The following LARS2 variants were observed in gnomAD, a reference collection of about 807,000 sequenced individuals.
LARS2 encodes the protein leucyl-tRNA synthetase 2, mitochondrial, also known as leucine--tRNA ligase, mitochondrial.
Under a neutral mutation model 116.6 loss-of-function variants are expected in LARS2, and 81 were observed. That is an observed-to-expected ratio of 0.69 (90% CI 0.58 to 0.84). The LOEUF (loss-of-function observed/expected upper bound fraction) is 0.84. Among genes scored for constraint, LARS2 ranks in the 40% least tolerant of loss-of-function variants. The pLI is 0.00. For missense variants in LARS2, 968 were observed against 1,114.5 expected, an observed-to-expected ratio of 0.87 and a Z score of 1.87; for synonymous variants, 396 against 407.2, an observed-to-expected ratio of 0.97 and a Z score of 0.33.
intron 13 of LARS2, among the ~76,000 whole-genome samples, chr3:45,492,253 G>A (rs1482466): frequency 0.8 from 121,662 of 152,166 alleles, 52,821 homozygotes; most frequent in East Asian, 0.98. Flanking sequence ...TGCTAAGAGA[G>A]CAAGTGTGCT....
At chr3:45,500,309 A>G (rs1162808471) in intron 14 of LARS2, 133 bp from the exon 15 acceptor site, 4 of 976,490 alleles carry the variant, frequency 4.1e-6, no homozygotes, top group Middle Eastern at 2.4e-4. Flanking sequence ...GCCTTCTCTT[A>G]TATTTTAAAA....
chr3:45,523,853 T>C (rs1700492219), intron 19 of LARS2, 144 bp from the exon 20 acceptor site: 1 of 602,714 alleles, frequency 1.7e-6, no homozygotes, highest in Non-Finnish European at 3.0e-6. Context: ...GTAGGGGAAG[T>C]TCATTGTCCC....
rs1698121421 is a variant in LARS2 at position 45,400,279 on chromosome 3, T to A, written c.269T>A (p.Phe90Tyr). ...CCAAAATTTTACGTGCTTTCCATGT[T>A]CCCTTATCCTTCTGGTAAGCTGCAC... ...SKPKFYVLSM[F>Y]PYPSGKLHMG... Residue 90 changes from phenylalanine to tyrosine, a missense_variant, in exon 4 of 22, where the codon TTC (phenylalanine) becomes TAC (tyrosine). Phe to Tyr is a conservative substitution (Grantham distance 22). Coordinates refer to ENST00000645846, the MANE Select transcript of LARS2 (RefSeq NM_015340.4). The A allele has an allele frequency of 6.2e-7, 1 of 1,613,650 alleles. No individual in the cohort carries two copies. Among genetic ancestry groups the A allele is most frequent in the Non-Finnish European group, 8.5e-7 (1 of 1,179,806 alleles).
At chr3:45,462,673 C>T (rs1699352177) in intron 8 of LARS2, among the ~76,000 whole-genome samples, 1 of 152,168 alleles carries the variant, frequency 6.6e-6, no homozygotes, top group South Asian at 2.1e-4. Flanking sequence ...AGGCAGTAAG[C>T]TGTGCCCGCA....
intron 1 of LARS2, chr3:45,389,071 TGA>T (rs1697894026): frequency 6.6e-6 from 1 of 152,146 alleles, no homozygotes; most frequent in Non-Finnish European, 1.5e-5. Context: ...CTCAGAAAGA[TGA>T]GGTTCCAGAC....
At chr3:45,513,319 G>A in intron 16 of LARS2, 84 bp downstream of exon 16, 3 of 904,454 alleles carry the variant, frequency 3.3e-6, no homozygotes, top group Non-Finnish European at 5.6e-6. Context: ...GCAGGCATCT[G>A]CCTCTAGAGT....
At position 45,548,915 on chromosome 3, in the gene LARS2, A is replaced by ATC. The variant is rs769197740; in HGVS notation, c.*1386_*1387dup. 2.6e-5 allele frequency: 4 copies of ATC among 152,260 alleles called. No individual in the cohort carries two copies. Among genetic ancestry groups the ATC allele is most frequent in the Non-Finnish European group, 4.4e-5 (3 of 68,046 alleles). The allele number at this position is 152,260 out of a possible 1,614,324, so 9.4% of individuals were successfully genotyped here. On this transcript the variant is annotated 3_prime_UTR_variant, in exon 22 of 22. Transcript: ENST00000645846. ...AATTACAAACAGATTGAGGTATTCC[A>ATC]TCATCATCGGAAGCATTGGCTGTGT...
At chr3:45,472,917 T>G (rs1699549601) in intron 8 of LARS2, among the ~76,000 whole-genome samples, 1 of 152,256 alleles carries the variant, frequency 6.6e-6, no homozygotes, top group South Asian at 2.1e-4. Context: ...GGAAGTATTC[T>G]GCAAAGGTTA....
At chr3:45,486,275 A>G (rs1699812831) in intron 11 of LARS2, among the ~76,000 whole-genome samples, 1 of 152,246 alleles carries the variant, frequency 6.6e-6, no homozygotes, top group Non-Finnish European at 1.5e-5. Flanking sequence ...GGAGGAGGCG[A>G]ACTCGAGCTA....
At chr3:45,517,794 AG>A in intron 17 of LARS2, 108 bp from the exon 18 acceptor site, 1 of 807,932 alleles carries the variant, frequency 1.2e-6, no homozygotes. Flanking sequence ...ATCAGGGTGC[AG>A]TGAAGTGTCA....
chr3:45,527,971 GA>G (rs1360435791), intron 20 of LARS2, among the ~76,000 whole-genome samples: 2 of 152,196 alleles, frequency 1.3e-5, no homozygotes, highest in African/African-American at 4.8e-5. Context: ...TAAGGACTGA[GA>G]ATAAAAATCC....
At position 45,513,154 on chromosome 3, in the gene LARS2, C is replaced by T. The variant is rs1374548565; in HGVS notation, c.1780C>T (p.Leu594=). The T allele has an allele frequency of 6.2e-7, 1 of 1,612,946 alleles. No individual in the cohort carries two copies. The highest frequency in any genetic ancestry group is 2.2e-5 in the East Asian group (1 of 44,874). ...VKHREPFHKL[L]AQGLIKGQTF... Reference sequence around the variant, plus strand: ...CCTCAGGGAGCCTTTTCATAAGCTGCTGGCCCAAGGCCTTATCAAGGGGCA... The same window carrying T: ...CCTCAGGGAGCCTTTTCATAAGCTGTTGGCCCAAGGCCTTATCAAGGGGCA... The change falls in exon 16 of 22, where the codon CTG becomes TTG. Residue 594 remains leucine (L), a synonymous_variant. Coordinates refer to ENST00000645846, the MANE Select transcript of LARS2 (RefSeq NM_015340.4).
chr3:45,542,959 C>CT (rs1443820494), intron 21 of LARS2, among the ~76,000 whole-genome samples: 1 of 152,258 alleles, frequency 6.6e-6, no homozygotes, highest in African/African-American at 2.4e-5. Context: ...CACCTAGGGG[C>CT]TGAGGGAGGG....
chr3:45,425,636 G>T (rs1575245547), intron 6 of LARS2, among the ~76,000 whole-genome samples: 1 of 152,148 alleles, frequency 6.6e-6, no homozygotes, highest in African/African-American at 2.4e-5. Context: ...GGTGTTCATG[G>T]TGTTCCCCAC....
rs1260384889 is a variant in LARS2 at position 45,541,978 on chromosome 3, C to G, written c.2532+22C>G. On this transcript the variant is annotated intron_variant, in intron 21 of 21. Coordinates refer to ENST00000645846, the MANE Select transcript of LARS2 (RefSeq NM_015340.4). ...TCTGGTAAGTATCTCCCCTCAACCC[C>G]AGAACCCAGCAGTCCCTGCCCTGCT... 4 of 1,613,032 alleles carry G rather than the reference C, an allele frequency of 2.5e-6. No homozygotes were observed. The East Asian group carries it at 8.9e-5, about 36-fold the overall frequency.
chr3:45,511,723 A>C (rs556146267), intron 15 of LARS2, among the ~76,000 whole-genome samples: 2 of 151,756 alleles, frequency 1.3e-5, no homozygotes, highest in South Asian at 4.2e-4. Flanking sequence ...AGACCTAAGA[A>C]TAGGATTCCT....
At chr3:45,499,867 T>C (rs1027117901) in intron 14 of LARS2, among the ~76,000 whole-genome samples, 1 of 152,222 alleles carries the variant, frequency 6.6e-6, no homozygotes, top group African/African-American at 2.4e-5. Context: ...CAAATTGCTT[T>C]TGTTGAAATA....
At chr3:45,506,460 C>T (rs566073699) in intron 15 of LARS2, among the ~76,000 whole-genome samples, 1 of 152,234 alleles carries the variant, frequency 6.6e-6, no homozygotes, top group South Asian at 2.1e-4. Flanking sequence ...AAAATTGAGA[C>T]CTGTCAACCA....
At chr3:45,500,782 G>A (rs1013767839) in intron 15 of LARS2, among the ~76,000 whole-genome samples, 2 of 152,132 alleles carry the variant, frequency 1.3e-5, no homozygotes, top group Non-Finnish European at 2.9e-5. Context: ...TGCTTGCATA[G>A]AACCTAGCCT....
Sources: gnomAD v4.1 joint callset for allele counts (sites outside exome capture counted in the v4.1 genomes callset) on GRCh38, gnomAD v4.1.1 for gene constraint, MANE v1.5 for transcripts, NCBI Gene and HGNC (gene_info 2026-07-23, HGNC 2026-07-21) for gene names.